CEP152: variants seen among roughly 807,000 people sequenced by gnomAD.
The protein encoded by CEP152 is centrosomal protein 152, also known as centrosomal protein of 152 kDa.
CEP152 carries 132 observed loss-of-function variants against 188.9 expected under a neutral mutation model. The observed-to-expected ratio is 0.70, with a 90% CI of 0.61 to 0.81. The LOEUF (loss-of-function observed/expected upper bound fraction) is 0.81. CEP152 is among the 30% of genes least tolerant of loss of function. CEP152 has a pLI of 0.00. For synonymous variants in CEP152, 649 were observed against 666.6 expected (o/e 0.97, Z 0.41); for missense variants, 1,914 against 1,969.8 (o/e 0.97, Z 0.54).
chr15:48,800,109 C>T (rs1187878790), intron 2 of CEP152, among the ~76,000 whole-genome samples: 2 of 152,140 alleles, frequency 1.3e-5, no homozygotes, highest in Non-Finnish European at 2.9e-5. Context: ...GTTATTGTAG[C>T]TTTGTGACAC....
chr15:48,781,177 T>G lies in CEP152; in HGVS notation c.1577+19A>C, dbSNP rs948407327. The stretch of plus-strand genomic sequence containing the variant: ...TAATGTTGGTTCTTCTACAGTAAAC[T>G]AAAATATTCTTTCCATACCTGGTAA... On this transcript the variant is annotated intron_variant, in intron 12 of 26. Coordinates refer to ENST00000380950, the MANE Select transcript of CEP152 (RefSeq NM_001194998.2). The G allele has an allele frequency of 3.7e-6, 6 of 1,610,458 alleles. No individual in the cohort carries two copies. Among genetic ancestry groups the G allele is most frequent in the Non-Finnish European group, 5.1e-6 (6 of 1,177,088 alleles).
intron 13 of CEP152, among the ~76,000 whole-genome samples, chr15:48,769,501 G>A (rs573742753): frequency 1.3e-5 from 2 of 152,248 alleles, no homozygotes; most frequent in African/African-American, 2.4e-5. Flanking sequence ...TTAAAATCAG[G>A]TTATGCATCT....
In CEP152 at chr15:48,796,011, C is replaced by G. The variant is rs1897265905; in HGVS notation, c.690G>C (p.Glu230Asp). The G allele has an allele frequency of 6.2e-7, 1 of 1,613,508 alleles. No individual in the cohort carries two copies. Among genetic ancestry groups the G allele is most frequent in the South Asian group, 1.1e-5 (1 of 91,078 alleles). Residue 230 changes from glutamate (E) to aspartate (D), a missense_variant and splice_region_variant, in exon 6 of 27, where the codon GAG (glutamate) becomes GAC (aspartate). Coordinates refer to ENST00000380950, the MANE Select transcript of CEP152 (RefSeq NM_001194998.2). The stretch of plus-strand genomic sequence containing the variant: ...AATAAATATAAACTTGATACCTACT[C>G]TCATTAGCTCCTAAAAATTGTTGTT... Reference protein sequence around the residue: ...GLQQQFLGANENSAENMQIIQ... With the variant: ...GLQQQFLGANDNSAENMQIIQ...
chr15:48,752,498 C>T (rs997349378), intron 20 of CEP152, 29 bp from the exon 21 acceptor site: 5 of 1,611,054 alleles, frequency 3.1e-6, no homozygotes, highest in Admixed American at 1.7e-5. Flanking sequence ...AAAGTTAATG[C>T]TTAGTAAAAA....
At position 48,738,947 on chromosome 15, in the gene CEP152, T is replaced by C; in HGVS notation, c.4435A>G (p.Lys1479Glu). 1 of 1,613,970 alleles carries C rather than the reference T, an allele frequency of 6.2e-7. No homozygotes were observed. Among genetic ancestry groups the C allele is most frequent in the African/African-American group, 1.3e-5 (1 of 75,024 alleles). The change falls in exon 27 of 27, where the codon AAA becomes GAA. Residue 1479 changes from lysine to glutamate, a missense_variant. Physicochemically the swap from Lys to Glu is moderately conservative, Grantham distance 56. Transcript: ENST00000380950. ...GAACCATTATCACTGAGTAGGTCTT[T>C]CTTCTTGTGCAAACCAAAGCCTCCT... ...GEGGFGLHKK[K>E]DLLSDNGSES...
downstream of CEP152, among the ~76,000 whole-genome samples, chr15:48,736,853 T>C (rs1202379946): frequency 1.3e-5 from 2 of 152,154 alleles, no homozygotes; most frequent in African/African-American, 2.4e-5. Context: ...ATTCTAAGTT[T>C]ACTAAAAACA....
rs1893940526 is a variant in CEP152 at position 48,752,417 on chromosome 15, C to T, written c.3398G>A (p.Gly1133Glu). 6.2e-7 allele frequency: 1 copy of T among 1,613,816 alleles called. No homozygotes were observed. Among genetic ancestry groups the T allele is most frequent in the Non-Finnish European group, 8.5e-7 (1 of 1,180,032 alleles). ...KDSASQGTGQ[G>E]DPGPAAGHHA... ...GTGTCCAGCAGCAGGTCCAGGGTCTCCTTGGCCAGTGCCCTGGCTGGCAGA... is the reference window on the plus strand; with the variant it reads ...GTGTCCAGCAGCAGGTCCAGGGTCTTCTTGGCCAGTGCCCTGGCTGGCAGA... The change falls in exon 21 of 27, where the codon GGA becomes GAA. Residue 1133 changes from glycine (G) to glutamate (E), a missense_variant. Gly to Glu is a moderately conservative substitution (Grantham distance 98). Coordinates refer to ENST00000380950, the MANE Select transcript of CEP152 (RefSeq NM_001194998.2).
At chr15:48,768,874 A>G in intron 14 of CEP152, 82 bp downstream of exon 14, 3 of 1,099,228 alleles carry the variant, frequency 2.7e-6, no homozygotes, top group Admixed American at 2.4e-5. Flanking sequence ...TTGCCTCTTT[A>G]TTTGCAAAAA....
At chr15:48,809,207 A>C (rs940370892) in intron 1 of CEP152, among the ~76,000 whole-genome samples, 1 of 152,206 alleles carries the variant, frequency 6.6e-6, no homozygotes, top group Non-Finnish European at 1.5e-5. Flanking sequence ...TGGTGGGTAC[A>C]TAACAAATAT....
At chr15:48,788,084 C>G (rs148350298) in intron 9 of CEP152, among the ~76,000 whole-genome samples, 1 of 152,152 alleles carries the variant, frequency 6.6e-6, no homozygotes, top group Non-Finnish European at 1.5e-5. Context: ...CTGGGAGACT[C>G]AAGTAAGGTT....
At chr15:48,763,636 T>C (rs1489230919) in intron 17 of CEP152, among the ~76,000 whole-genome samples, 1 of 152,014 alleles carries the variant, frequency 6.6e-6, no homozygotes, top group African/African-American at 2.4e-5. Context: ...ATCACACCAC[T>C]GCACTCCAGC....
intron 2 of CEP152, among the ~76,000 whole-genome samples, chr15:48,801,886 G>A (rs1371644181): frequency 6.6e-6 from 1 of 152,092 alleles, no homozygotes; most frequent in Admixed American, 6.5e-5. Flanking sequence ...CTGAAGTCAG[G>A]AGTTCAAGAC....
chr15:48,768,705 G>A (rs888986686), intron 14 of CEP152, among the ~76,000 whole-genome samples: 1 of 152,168 alleles, frequency 6.6e-6, no homozygotes, highest in African/African-American at 2.4e-5. Context: ...GCTGGCTAAG[G>A]AGGAAAGAAT....
In CEP152 at chr15:48,752,446, C is replaced by A; in HGVS notation, c.3369G>T (p.Lys1123Asn). ...GGCCAGTGCCCTGGCTGGCAGAATC[C>A]TTAGAGAGCTCGGCCATATTTCTCT... ...WKKRNMAELS[K>N]DSASQGTGQG... Residue 1123 changes from lysine (K) to asparagine (N), a missense_variant, in exon 21 of 27, where the codon AAG becomes AAT. By Grantham distance (94) the Lys-to-Asn change is moderately conservative (BLOSUM62 0). Coordinates refer to ENST00000380950, the MANE Select transcript of CEP152 (RefSeq NM_001194998.2). 1 of 1,613,750 alleles carries A rather than the reference C, an allele frequency of 6.2e-7. No individual in the cohort carries two copies. Among genetic ancestry groups the A allele is most frequent in the Non-Finnish European group, 8.5e-7 (1 of 1,180,014 alleles).
chr15:48,763,957 T>C (rs993666541), intron 17 of CEP152, among the ~76,000 whole-genome samples: 9 of 152,218 alleles, frequency 5.9e-5, no homozygotes, highest in Admixed American at 3.9e-4. Flanking sequence ...CATGGTTTCA[T>C]TTTGAGGAAT....
At position 48,762,451 on chromosome 15, in the gene CEP152, C is replaced by A. The variant is rs778542036; in HGVS notation, c.2502G>T (p.Gly834=). ...ATTCAATTTCGAGTTTCTTCATAGC[C>A]CCCTTGATGGCTATGTCCTTCTCTT... The part of the protein sequence containing the change: ...LEQEKDIAIK[G]AMKKLEIELE... Residue 834 remains glycine (G), a synonymous_variant, in exon 18 of 27, where the codon GGG becomes GGT. Transcript: ENST00000380950. 21 of 1,613,866 alleles carry A rather than the reference C, an allele frequency of 1.3e-5. No individual in the cohort carries two copies. In the East Asian group the frequency reaches 4.2e-4, roughly 33 times the overall value.
intron 24 of CEP152, among the ~76,000 whole-genome samples, chr15:48,743,623 G>A (rs967139425): frequency 3.3e-5 from 5 of 152,182 alleles, no homozygotes; most frequent in African/African-American, 9.6e-5. Flanking sequence ...AGCACTTTGC[G>A]AGGCCGAAGC....
intron 9 of CEP152, among the ~76,000 whole-genome samples, chr15:48,786,816 T>A (rs1364159551): frequency 6.6e-6 from 1 of 152,216 alleles, no homozygotes; most frequent in Non-Finnish European, 1.5e-5. Flanking sequence ...CTGACTTTAC[T>A]GTAGAGTTCT....
At chr15:48,757,522 G>C (rs759757735) in intron 19 of CEP152, among the ~76,000 whole-genome samples, 1 of 152,192 alleles carries the variant, frequency 6.6e-6, no homozygotes, top group South Asian at 2.1e-4. Context: ...TAAAGGAGTA[G>C]AGTAGATAAT....
Sources: gnomAD v4.1 joint callset for allele counts (sites outside exome capture counted in the v4.1 genomes callset) on GRCh38, gnomAD v4.1.1 for gene constraint, MANE v1.5 for transcripts, NCBI Gene and HGNC (gene_info 2026-07-23, HGNC 2026-07-21) for gene names.